The following PSMB5 variants were observed in gnomAD, a reference collection of about 807,000 sequenced individuals.
The protein encoded by PSMB5 is proteasome 20S subunit beta 5.
A neutral mutation model predicts 22.8 loss-of-function variants in PSMB5; 2 were observed. That is an observed-to-expected ratio of 0.09 (90% CI 0.04 to 0.28). The LOEUF is 0.28. PSMB5 is among the 10% of genes least tolerant of loss of function. PSMB5 has a pLI of 1.00. For missense variants in PSMB5, 269 were observed against 343.8 expected (o/e 0.78, Z 1.72); for synonymous variants, 133 against 135.3 (o/e 0.98, Z 0.12).
intron 2 of PSMB5, among the ~76,000 whole-genome samples, chr14:23,030,169 T>A (rs572159629): frequency 6.7e-6 from 1 of 148,376 alleles, no homozygotes; most frequent in South Asian, 2.4e-4. Context: ...TGAGCCACCA[T>A]GCCCAGCCAA....
At position 23,026,242 on chromosome 14, in the gene PSMB5, A is replaced by ATCATAGGCCTGCTCCACTTCCAGG. The variant is rs765075694; in HGVS notation, c.615_638dup (p.Glu207_Leu214dup). On this transcript the variant is annotated inframe_insertion, in exon 3 of 3. Transcript: ENST00000361611. ...CTTGGTAGATGGCTCGACGGGCCAG[A>ATCATAGGCCTGCTCCACTTCCAGG]TCATAGGCCTGCTCCACTTCCAGGT... 1.2e-6 allele frequency: 2 copies of ATCATAGGCCTGCTCCACTTCCAGG among 1,614,052 alleles called. No homozygotes were observed. Among genetic ancestry groups the ATCATAGGCCTGCTCCACTTCCAGG allele is most frequent in the Non-Finnish European group, 1.7e-6 (2 of 1,180,006 alleles).
rs1270502071 is a variant in PSMB5 at position 23,026,035 on chromosome 14, G to A, written c.*54C>T. ...GGATGGAGGATGGGTCACTGTGTCCGTATTACCAATGACAGTCACCCCAAG... is the reference window on the plus strand; with the variant it reads ...GGATGGAGGATGGGTCACTGTGTCCATATTACCAATGACAGTCACCCCAAG... On this transcript the variant is annotated 3_prime_UTR_variant, in exon 3 of 3. Coordinates refer to ENST00000361611, the MANE Select transcript of PSMB5 (RefSeq NM_002797.5). 32 of 1,594,790 alleles carry A rather than the reference G, an allele frequency of 2.0e-5. No individual in the cohort carries two copies. The highest frequency in any genetic ancestry group is 6.8e-5 in the South Asian group (6 of 87,822).
upstream of PSMB5, chr14:23,034,968 A>C: frequency 6.7e-7 from 1 of 1,487,070 alleles, no homozygotes; most frequent in Non-Finnish European, 9.0e-7. Context: ...TTCACTTCCT[A>C]TTAAATCTAT....
chr14:23,034,141 AC>A (rs1431291044), intron 1 of PSMB5, among the ~76,000 whole-genome samples: 56 of 152,012 alleles, frequency 3.7e-4, no homozygotes, highest in Middle Eastern at 3.4e-3. Flanking sequence ...AAAAAAAAAA[AC>A]AAATCATTTT....
At chr14:23,027,312 C>T (rs1346720987) in intron 2 of PSMB5, among the ~76,000 whole-genome samples, 7 of 147,470 alleles carry the variant, frequency 4.7e-5, no homozygotes, top group East Asian at 2.0e-4. Flanking sequence ...ACCCGGGAGG[C>T]GGAGCTTGCG....
At chr14:23,028,771 A>C (rs2046933453) in intron 2 of PSMB5, among the ~76,000 whole-genome samples, 2 of 152,158 alleles carry the variant, frequency 1.3e-5, no homozygotes, top group Admixed American at 1.3e-4. Flanking sequence ...TTTATGAAAA[A>C]ACTAGCTGAC....
Position 23,033,374 on chromosome 14 carries a change from C to T in PSMB5, c.499G>A (p.Gly167Ser). ...GTMICGWDKRGPGLYYVDSEG... is the reference protein window; with the variant it reads ...GTMICGWDKRSPGLYYVDSEG... ...TGGTTGCAGCTTAACTCACCAGGGC[C>T]TCTCTTATCCCAGCCACAGATCATG... The change falls in exon 2 of 3, where the codon GGC (glycine) becomes AGC (serine). Residue 167 changes from glycine (G) to serine (S), a missense_variant. Gly to Ser is a moderately conservative substitution (Grantham distance 56). This residue lies in a region of PSMB5 where 113 missense variants were observed against 130.2 expected (regional missense o/e 0.87). Coordinates refer to ENST00000361611, the MANE Select transcript of PSMB5 (RefSeq NM_002797.5). 1 of 1,607,246 alleles carries T rather than the reference C, an allele frequency of 6.2e-7. No homozygotes were observed. Among genetic ancestry groups the T allele is most frequent in the Non-Finnish European group, 8.5e-7 (1 of 1,174,614 alleles).
chr14:23,033,744 T>C, intron 1 of PSMB5, 70 bp from the exon 2 acceptor site: 1 of 1,403,960 alleles, frequency 7.1e-7, no homozygotes, highest in Non-Finnish European at 9.7e-7. Flanking sequence ...ATACTTCTTT[T>C]TGCATCAATC....
chr14:23,026,180 T>C lies in PSMB5; in HGVS notation c.701A>G (p.Asn234Ser), dbSNP rs746718225. ...YRDAYSGGAV[N>S]LYHVREDGWI... is the part of the protein sequence containing the mutation. ...GCCATCCTCCCGCACGTGGTAGAGGTTGACTGCACCTCCTGAGTAGGCATC... is the reference window on the plus strand; with the variant it reads ...GCCATCCTCCCGCACGTGGTAGAGGCTGACTGCACCTCCTGAGTAGGCATC... The change falls in exon 3 of 3, where the codon AAC (asparagine) becomes AGC (serine). Residue 234 changes from asparagine (N) to serine (S), a missense_variant. By Grantham distance (46) the Asn-to-Ser change is conservative. Coordinates refer to ENST00000361611, the MANE Select transcript of PSMB5 (RefSeq NM_002797.5). 2.0e-5 allele frequency: 33 copies of C among 1,613,994 alleles called. No homozygotes were observed. Among genetic ancestry groups the C allele is most frequent in the South Asian group, 1.6e-4 (15 of 91,072 alleles).
intron 2 of PSMB5, among the ~76,000 whole-genome samples, chr14:23,030,061 A>G (rs1358116076): frequency 6.6e-6 from 1 of 151,808 alleles, no homozygotes; most frequent in Non-Finnish European, 1.5e-5. Context: ...TATTTTTAGT[A>G]GAGACAAGGT....
intron 2 of PSMB5, among the ~76,000 whole-genome samples, chr14:23,029,387 T>G (rs1245980368): frequency 6.6e-6 from 1 of 152,200 alleles, no homozygotes; most frequent in East Asian, 1.9e-4. Flanking sequence ...CAAAAGCTCA[T>G]GCTTCTTTCC....
At chr14:23,032,708 C>A (rs370130852) in intron 2 of PSMB5, among the ~76,000 whole-genome samples, 63 of 151,502 alleles carry the variant, frequency 4.2e-4, no homozygotes, top group African/African-American at 1.5e-3. Context: ...ACACTATTCT[C>A]CTGCCTCAGC....
At chr14:23,034,526 TG>T in intron 1 of PSMB5, 157 bp downstream of exon 1, 1 of 832,328 alleles carries the variant, frequency 1.2e-6, no homozygotes, top group Non-Finnish European at 1.8e-6. Flanking sequence ...AGGGGCCTCC[TG>T]GGCCAATGAG....
chr14:23,031,206 T>C (rs943076975), intron 2 of PSMB5, among the ~76,000 whole-genome samples: 3 of 152,176 alleles, frequency 2.0e-5, no homozygotes, highest in African/African-American at 7.2e-5. Flanking sequence ...GTCCCTGTAC[T>C]CTTTTACACT....
intron 2 of PSMB5, among the ~76,000 whole-genome samples, chr14:23,032,596 C>CT (rs546527763): frequency 8.1e-4 from 123 of 151,512 alleles, no homozygotes; most frequent in Non-Finnish European, 1.5e-3. Flanking sequence ...TCAACGAATT[C>CT]TTTTTTTTGT....
chr14:23,027,709 A>C (rs1011009972), intron 2 of PSMB5: 2 of 1,441,940 alleles, frequency 1.4e-6, no homozygotes, highest in African/African-American at 1.4e-5. Context: ...ATTCTACAAC[A>C]TACCACCCCA....
chr14:23,029,088 T>G (rs2046935554), intron 2 of PSMB5, among the ~76,000 whole-genome samples: 1 of 152,178 alleles, frequency 6.6e-6, no homozygotes, highest in African/African-American at 2.4e-5. Context: ...CCCTAGGTAT[T>G]TTTTATAACT....
chr14:23,030,813 C>G (rs1485404983), intron 2 of PSMB5, among the ~76,000 whole-genome samples: 1 of 152,122 alleles, frequency 6.6e-6, no homozygotes, highest in Non-Finnish European at 1.5e-5. Context: ...GTAATCCCAG[C>G]TACTCGGGAG....
chr14:23,034,534 T>C, intron 1 of PSMB5, 150 bp downstream of exon 1: 1 of 900,392 alleles, frequency 1.1e-6, no homozygotes, highest in Non-Finnish European at 1.6e-6. Context: ...CCTGGGCCAA[T>C]GAGACAGCAA....
Sources: allele counts gnomAD v4.1 joint callset (sites outside exome capture counted in the v4.1 genomes callset), GRCh38; gene constraint gnomAD v4.1.1; regional missense constraint gnomAD v4.1.1; transcripts MANE v1.5; gene names NCBI Gene and HGNC (gene_info 2026-07-23, HGNC 2026-07-21).